ADAMTSL1: variants seen among roughly 807,000 people sequenced by gnomAD.
ADAMTSL1 encodes the protein ADAMTS like 1.
Under a neutral mutation model 201.8 loss-of-function variants are expected in ADAMTSL1, and 126 were observed. The observed-to-expected ratio is 0.62, with a 90% CI of 0.54 to 0.72. The LOEUF is 0.72. Ranked by LOEUF, ADAMTSL1 falls within the 30% of genes least tolerant of loss-of-function variation. The probability of loss-of-function intolerance (pLI) is 0.00; values close to 1 mark genes in which losing one functional copy is unlikely to be tolerated. For missense variants in ADAMTSL1, 2,679 were observed against 2,277.8 expected (o/e 1.18, Z -3.59); for synonymous variants, 1,121 against 903.4 (o/e 1.24, Z -4.32).
chr9:18,104,779 A>G (rs542707040), intron 1 of ADAMTSL1, among the ~76,000 whole-genome samples: 1 of 152,292 alleles, frequency 6.6e-6, no homozygotes, highest in East Asian at 1.9e-4. Context: ...GCTGAAATGT[A>G]ATCAGTTATT....
rs935738057 is a variant in ADAMTSL1, at chr9:18,575,190, C to A, written c.474+924C>A. On this transcript the variant is annotated intron_variant, in intron 4 of 28. Transcript: ENST00000380548. ...TTCAAATTTATTTTTTTAAAACTTA[C>A]ATCTATATTTGGATGTAAAGGCAAA... 4.6e-5 allele frequency among the ~76,000 whole-genome samples: 7 copies of A among 152,152 alleles called. No homozygotes were observed. The South Asian group carries it at 1.2e-3, about 27-fold the overall frequency.
At chr9:18,514,297 A>G (rs1587424445) in intron 2 of ADAMTSL1, among the ~76,000 whole-genome samples, 1 of 139,176 alleles carries the variant, frequency 7.2e-6, no homozygotes, top group Non-Finnish European at 1.6e-5. Flanking sequence ...GTTTGTTATT[A>G]GTGTGTAGAA....
intron 2 of ADAMTSL1, among the ~76,000 whole-genome samples, chr9:18,369,920 A>G (rs1036363630): frequency 2.6e-5 from 4 of 152,192 alleles, no homozygotes; most frequent in Admixed American, 2.6e-4. Flanking sequence ...AAAATCAAAT[A>G]CTAAATGTTC....
intron 1 of ADAMTSL1, among the ~76,000 whole-genome samples, chr9:18,138,843 C>A (rs185794477): frequency 6.6e-6 from 1 of 152,150 alleles, no homozygotes. Flanking sequence ...CAAGATCTAA[C>A]GCTCTGCCTC....
intron 4 of ADAMTSL1, among the ~76,000 whole-genome samples, chr9:18,613,622 A>G: frequency 6.6e-6 from 1 of 152,192 alleles, no homozygotes; most frequent in East Asian, 1.9e-4. Context: ...ACAAAAACAA[A>G]AAACAAACAA....
intron 2 of ADAMTSL1, among the ~76,000 whole-genome samples, chr9:18,339,820 G>T (rs910778331): frequency 1.6e-4 from 24 of 151,968 alleles, no homozygotes; most frequent in African/African-American, 5.8e-4. Flanking sequence ...CTTCAAGATT[G>T]TCTCATTGTT....
chr9:18,073,689 G>A (rs1430373359), intron 1 of ADAMTSL1, among the ~76,000 whole-genome samples: 1 of 152,092 alleles, frequency 6.6e-6, no homozygotes, highest in Non-Finnish European at 1.5e-5. Context: ...TTATAACCTT[G>A]GAACTGTTTT....
At chr9:18,689,024 G>A (rs1164946293) in intron 13 of ADAMTSL1, among the ~76,000 whole-genome samples, 1 of 152,020 alleles carries the variant, frequency 6.6e-6, no homozygotes, top group East Asian at 1.9e-4. Context: ...TCATTTAAAT[G>A]CCAGATTGAG....
rs567486717 is a variant in ADAMTSL1 at position 18,618,433 on chromosome 9, A to G, written c.475-3810A>G. Among the ~76,000 whole-genome samples the G allele has an allele frequency of 2.6e-5, 4 of 152,192 alleles. No homozygotes were observed. The East Asian group carries it at 7.7e-4, about 29-fold the overall frequency. On this transcript the variant is annotated intron_variant, in intron 4 of 28. Coordinates refer to ENST00000380548, the MANE Select transcript of ADAMTSL1 (RefSeq NM_001040272.6). ...GCAGCAGAAATATCAAGATTAGTAA[A>G]ACACAGGTTCTCGGGTAGCCCAGGA...
intron 23 of ADAMTSL1, among the ~76,000 whole-genome samples, chr9:18,832,532 A>G (rs1278167019): frequency 6.6e-6 from 1 of 152,222 alleles, no homozygotes; most frequent in Non-Finnish European, 1.5e-5. Context: ...TGTAGGAATA[A>G]TCGATAGTGG....
Position 18,892,593 on chromosome 9 carries a change from C to A in ADAMTSL1, c.4848C>A (p.Gly1616=), listed in dbSNP as rs765929147. Residue 1616 remains glycine, a synonymous_variant, in exon 26 of 29, where the codon GGC becomes GGA. Transcript: ENST00000380548. ...LCVEWAFSSW[G]QCNGPCIGPH... is the part of the protein sequence containing the mutation. Reference sequence around the variant, plus strand: ...TGGAGTGGGCCTTCTCCAGCTGGGGCCAGGTGAGGAGCCAGAGAGGTTGTT... The same window carrying A: ...TGGAGTGGGCCTTCTCCAGCTGGGGACAGGTGAGGAGCCAGAGAGGTTGTT... The A allele has an allele frequency of 1.9e-6, 3 of 1,557,916 alleles. No homozygotes were observed. The highest frequency in any genetic ancestry group is 2.4e-5 in the East Asian group (1 of 41,574).
chr9:18,771,624 G>A (rs1460174683), intron 17 of ADAMTSL1, among the ~76,000 whole-genome samples: 1 of 147,784 alleles, frequency 6.8e-6, no homozygotes, highest in African/African-American at 2.5e-5. Flanking sequence ...GACCTGAAGT[G>A]AAAATGTCTG....
intron 2 of ADAMTSL1, among the ~76,000 whole-genome samples, chr9:18,241,661 A>G (rs925659989): frequency 6.6e-6 from 1 of 152,208 alleles, no homozygotes; most frequent in African/African-American, 2.4e-5. Context: ...AAAAGGCTCA[A>G]ATGAAATCAA....
At chr9:18,831,303 T>C (rs1824961283) in intron 23 of ADAMTSL1, among the ~76,000 whole-genome samples, 1 of 152,226 alleles carries the variant, frequency 6.6e-6, no homozygotes, top group South Asian at 2.1e-4. Flanking sequence ...ATATTGCCTT[T>C]GGCTTACAAA....
At chr9:18,727,550 G>A (rs532543) in intron 15 of ADAMTSL1, among the ~76,000 whole-genome samples, 108,265 of 151,758 alleles carry the variant, frequency 0.71, 40,610 homozygotes, top group East Asian at 0.84. Context: ...GACTGGGCCA[G>A]TGGGAGTCTC....
intron 23 of ADAMTSL1, among the ~76,000 whole-genome samples, chr9:18,864,964 T>C (rs1827416649): frequency 6.6e-6 from 1 of 150,894 alleles, no homozygotes; most frequent in African/African-American, 2.4e-5. Flanking sequence ...TTTTCTGGTG[T>C]TTAAGATTAA....
chr9:18,070,567 C>T (rs544493972), intron 1 of ADAMTSL1, among the ~76,000 whole-genome samples: 2 of 152,030 alleles, frequency 1.3e-5, no homozygotes, highest in Non-Finnish European at 2.9e-5. Context: ...ATAAGTTTTG[C>T]TTTTTATTTT....
At chr9:18,552,352 T>C (rs1820839275) in intron 3 of ADAMTSL1, among the ~76,000 whole-genome samples, 1 of 151,868 alleles carries the variant, frequency 6.6e-6, no homozygotes, top group African/African-American at 2.4e-5. Flanking sequence ...TACTTACAAA[T>C]CTGTTCATTA....
chr9:17,906,987 G>A (rs1669893269), intron 1 of ADAMTSL1: 1 of 152,372 alleles, frequency 6.6e-6, no homozygotes, highest in African/African-American at 2.4e-5. Flanking sequence ...GTGCTACAGC[G>A]AAAAGCGCTA....
Sources: allele counts gnomAD v4.1 joint callset (sites outside exome capture counted in the v4.1 genomes callset), GRCh38; gene constraint gnomAD v4.1.1; transcripts MANE v1.5; gene names NCBI Gene and HGNC (gene_info 2026-07-23, HGNC 2026-07-21).